MCMDC2: variants seen among roughly 807,000 people sequenced by gnomAD.
The protein encoded by MCMDC2 is minichromosome maintenance domain-containing protein 2.
Under a neutral mutation model 75.8 loss-of-function variants are expected in MCMDC2, and 54 were observed. The observed-to-expected ratio is 0.71, with a 90% CI of 0.57 to 0.89. The LOEUF (loss-of-function observed/expected upper bound fraction) is 0.89, where lower values mean the gene tolerates loss of function less well. Ranked by LOEUF, MCMDC2 falls within the 40% of genes least tolerant of loss-of-function variation. The probability of loss-of-function intolerance (pLI) is 0.00; values close to 1 mark genes in which losing one functional copy is unlikely to be tolerated. For synonymous variants in MCMDC2, 249 were observed against 274.6 expected (o/e 0.91, Z 0.92); for missense variants, 656 against 780.4 (o/e 0.84, Z 1.90).
At chr8:66,907,113 G>C (rs1271748415) in intron 14 of MCMDC2, among the ~76,000 whole-genome samples, 1 of 151,876 alleles carries the variant, frequency 6.6e-6, no homozygotes, top group Admixed American at 6.6e-5. Context: ...TGCAGAACAT[G>C]CAGGTTTGTT....
intron 9 of MCMDC2, among the ~76,000 whole-genome samples, chr8:66,884,943 A>T (rs543911239): frequency 6.6e-6 from 1 of 152,022 alleles, no homozygotes; most frequent in African/African-American, 2.4e-5. Context: ...CACTGGGCTA[A>T]TTTTTTAATT....
At chr8:66,897,198 G>C (rs1812396952) in intron 12 of MCMDC2, among the ~76,000 whole-genome samples, 1 of 152,046 alleles carries the variant, frequency 6.6e-6, no homozygotes, top group South Asian at 2.1e-4. Context: ...CTTGAGGCCA[G>C]GAGTTCGAGA....
At chr8:66,898,883 T>C (rs890104836) in intron 12 of MCMDC2, among the ~76,000 whole-genome samples, 2 of 152,184 alleles carry the variant, frequency 1.3e-5, no homozygotes, top group African/African-American at 2.4e-5. Flanking sequence ...TTAGTGTACA[T>C]GGAAAACGAT....
At chr8:66,922,683 A>AT, downstream of MCMDC2, 1 of 340,558 alleles carries the variant, frequency 2.9e-6, no homozygotes, top group Non-Finnish European at 5.9e-6. Flanking sequence ...AACATCTGTT[A>AT]TGATGACTTT....
In MCMDC2 at chr8:66,905,239, GA is replaced by G; in HGVS notation, c.1785del (p.Ala596ProfsTer5). On this transcript the variant is annotated frameshift_variant, in exon 14 of 15. Coordinates refer to ENST00000422365, the MANE Select transcript of MCMDC2 (RefSeq NM_173518.5). LOFTEE classifies it high-confidence loss of function. ...SALKYLVFLSEAHARLNLRNK... is the reference protein window; with the variant it reads ...SALKYLVFLSXAHARLNLRNK... The stretch of plus-strand genomic sequence containing the variant: ...TTTCTTTTTTAGCGTTTTCCTATCT[GA>G]AGCCCATGCACGACTGAACTTAAGG... 6.9e-7 allele frequency: 1 copy of G among 1,445,396 alleles called. No homozygotes were observed. The allele number at this position is 1,445,396 out of a possible 1,614,324, so 89.5% of individuals were successfully genotyped here.
rs1811158537 is a variant in MCMDC2, at chr8:66,874,168, G to A, written c.28G>A (p.Ala10Thr). The change falls in exon 2 of 15, where the codon GCC (alanine) becomes ACC (threonine). Residue 10 changes from alanine (A) to threonine (T), a missense_variant. Transcript: ENST00000422365. Reference sequence around the variant, plus strand: ...GTCAAATCTAAAAATGAAAGAGGCGGCCCTCATCTATCTTGACAGAAGTGG... The same window carrying A: ...GTCAAATCTAAAAATGAAAGAGGCGACCCTCATCTATCTTGACAGAAGTGG... MSNLKMKEA[A>T]LIYLDRSGGL... The A allele has an allele frequency of 6.2e-7, 1 of 1,604,720 alleles. No homozygotes were observed. Among genetic ancestry groups the A allele is most frequent in the Non-Finnish European group, 8.5e-7 (1 of 1,177,198 alleles).
chr8:66,908,582 G>A (rs1394832839), intron 14 of MCMDC2, among the ~76,000 whole-genome samples: 14 of 151,952 alleles, frequency 9.2e-5, no homozygotes, highest in African/African-American at 3.1e-4. Flanking sequence ...ATTATATTAA[G>A]GACTCCTGTG....
Position 66,919,641 on chromosome 8 carries a change from C to T in MCMDC2, c.*472C>T, listed in dbSNP as rs1813443005. The T allele has an allele frequency of 6.6e-6, 1 of 152,268 alleles. No homozygotes were observed. Among genetic ancestry groups the T allele is most frequent in the Non-Finnish European group, 1.5e-5 (1 of 68,128 alleles). 9.4% of individuals were successfully genotyped at this position (152,268 alleles called of 1,614,324 possible). ...ACTGATGAGTAAATACTTTATATAA[C>T]CCGAAGCTTCAAATGTAAGGCCTTT... On this transcript the variant is annotated 3_prime_UTR_variant, in exon 15 of 15. Transcript: ENST00000422365.
intron 4 of MCMDC2, 43 bp downstream of exon 4, chr8:66,874,629 C>T (rs765478287): frequency 1.3e-6 from 2 of 1,495,912 alleles, no homozygotes; most frequent in Non-Finnish European, 9.1e-7. Context: ...TACAGATTTA[C>T]ATGATGACTT....
Position 66,901,198 on chromosome 8 carries a change from C to T in MCMDC2, c.1627-8C>T. The T allele has an allele frequency of 6.2e-7, 1 of 1,609,210 alleles. No individual in the cohort carries two copies. The highest frequency in any genetic ancestry group is 2.2e-5 in the East Asian group (1 of 44,818). ...GCTTGATTATCTTGGATTTTTCACACTTTTTAGCTATTGGCTTTTGCAAAG... is the reference window on the plus strand; with the variant it reads ...GCTTGATTATCTTGGATTTTTCACATTTTTTAGCTATTGGCTTTTGCAAAG... On this transcript the variant is annotated splice_polypyrimidine_tract_variant and splice_region_variant and intron_variant, in intron 12 of 14. Transcript: ENST00000422365.
At chr8:66,899,665 T>C (rs947824687) in intron 12 of MCMDC2, among the ~76,000 whole-genome samples, 6 of 151,920 alleles carry the variant, frequency 3.9e-5, no homozygotes, top group Admixed American at 2.0e-4. Context: ...CCGGCTAATT[T>C]TTTTGTATTT....
At chr8:66,872,957 CA>C (rs749748721) in intron 1 of MCMDC2, among the ~76,000 whole-genome samples, 472 of 40,136 alleles carry the variant, frequency 0.012, no homozygotes, top group East Asian at 0.024. Flanking sequence ...GACTCCATCT[CA>C]AAAAAAAAAA....
At chr8:66,896,567 A>G (rs920889226) in intron 11 of MCMDC2, among the ~76,000 whole-genome samples, 2 of 152,140 alleles carry the variant, frequency 1.3e-5, no homozygotes, top group Non-Finnish European at 2.9e-5. Context: ...TTTAATGAAT[A>G]ATGTATAAGA....
intron 4 of MCMDC2, among the ~76,000 whole-genome samples, chr8:66,876,996 G>C (rs985878865): frequency 1.3e-5 from 2 of 152,032 alleles, no homozygotes; most frequent in Non-Finnish European, 2.9e-5. Context: ...TCCTGACCTC[G>C]TGATCTGCCC....
chr8:66,913,558 T>C (rs1168981943), intron 14 of MCMDC2, among the ~76,000 whole-genome samples: 1 of 152,198 alleles, frequency 6.6e-6, no homozygotes, highest in East Asian at 1.9e-4. Flanking sequence ...TGTGAGTCAA[T>C]AAATATTTAT....
At chr8:66,886,357 G>C (rs1013688060) in intron 9 of MCMDC2, among the ~76,000 whole-genome samples, 5 of 151,900 alleles carry the variant, frequency 3.3e-5, no homozygotes, top group African/African-American at 1.2e-4. Context: ...TAGAAATAGG[G>C]TTTTATCATA....
At chr8:66,905,436 T>A in intron 14 of MCMDC2, 101 bp downstream of exon 14, 3 of 1,030,262 alleles carry the variant, frequency 2.9e-6, no homozygotes, top group Non-Finnish European at 3.8e-6. Flanking sequence ...TTTTAAAATA[T>A]TATTTTAAAG....
intron 8 of MCMDC2, 34 bp downstream of exon 8, chr8:66,881,008 T>TAG: frequency 7.3e-7 from 1 of 1,374,640 alleles, no homozygotes; most frequent in Non-Finnish European, 9.5e-7. Flanking sequence ...TATTAACAAA[T>TAG]ATTTAAATTT....
intron 14 of MCMDC2, among the ~76,000 whole-genome samples, chr8:66,910,359 G>A (rs1813056262): frequency 6.6e-6 from 1 of 152,226 alleles, no homozygotes; most frequent in South Asian, 2.1e-4. Context: ...TGGAAAAGCT[G>A]CAGACACTCA....
Sources: gnomAD v4.1 joint callset for allele counts (sites outside exome capture counted in the v4.1 genomes callset) on GRCh38, gnomAD v4.1.1 for gene constraint, MANE v1.5 for transcripts, NCBI Gene and HGNC (gene_info 2026-07-23, HGNC 2026-07-21) for gene names.